The following SYT1 variants were observed in gnomAD, a reference collection of about 807,000 sequenced individuals.
SYT1 encodes synaptotagmin-1.
SYT1 carries 8 observed loss-of-function variants against 44.8 expected under a neutral mutation model. The ratio of observed to expected loss-of-function variants is 0.18; its 90% CI spans 0.10 to 0.32. The LOEUF (loss-of-function observed/expected upper bound fraction) is 0.32. Ranked by LOEUF, SYT1 falls within the 10% of genes least tolerant of loss-of-function variation. SYT1 has a pLI of 1.00. For missense variants in SYT1, 286 were observed against 509.3 expected (o/e 0.56, Z 4.22); for synonymous variants, 154 against 188.8 (o/e 0.82, Z 1.51).
intron 9 of SYT1, among the ~76,000 whole-genome samples, chr12:79,361,928 C>A (rs2136026225): frequency 6.6e-6 from 1 of 152,176 alleles, no homozygotes; most frequent in African/African-American, 2.4e-5. Flanking sequence ...GGGAGAGGGG[C>A]AGTATGATGT....
intron 1 of SYT1, among the ~76,000 whole-genome samples, chr12:78,957,614 C>A (rs749099001): frequency 1.3e-5 from 2 of 152,070 alleles, no homozygotes; most frequent in Admixed American, 6.6e-5. Flanking sequence ...GATCCTGTTT[C>A]TTTTTAAAGG....
chr12:78,931,036 C>G (rs1011463996), intron 1 of SYT1, among the ~76,000 whole-genome samples: 1 of 150,918 alleles, frequency 6.6e-6, no homozygotes. Context: ...GTGGCTCACG[C>G]GTGAAATCCC....
intron 4 of SYT1, among the ~76,000 whole-genome samples, chr12:79,242,919 G>A (rs556428627): frequency 6.6e-6 from 1 of 152,268 alleles, no homozygotes; most frequent in East Asian, 1.9e-4. Flanking sequence ...CCAAGACTGG[G>A]TAATTTATAA....
chr12:78,897,792 T>C (rs939508832), intron 1 of SYT1, among the ~76,000 whole-genome samples: 1 of 152,072 alleles, frequency 6.6e-6, no homozygotes, highest in Non-Finnish European at 1.5e-5. Flanking sequence ...TTTTGAAATA[T>C]TATGTTCATT....
intron 3 of SYT1, among the ~76,000 whole-genome samples, chr12:79,144,927 C>T (rs574589531): frequency 6.6e-6 from 1 of 152,280 alleles, no homozygotes; most frequent in African/African-American, 2.4e-5. Context: ...CCCTCAGTAA[C>T]GAAGAGTTTC....
intron 9 of SYT1, among the ~76,000 whole-genome samples, chr12:79,356,295 T>C (rs144875804): frequency 6.6e-6 from 1 of 152,006 alleles, no homozygotes; most frequent in African/African-American, 2.4e-5. Flanking sequence ...AACAAATCTT[T>C]GCCTTTTTTT....
chr12:79,352,118 A>C (rs759765586), intron 8 of SYT1, among the ~76,000 whole-genome samples: 32 of 151,686 alleles, frequency 2.1e-4, no homozygotes, highest in Admixed American at 8.5e-4. Context: ...TCACACATTG[A>C]ATGTATTACC....
At chr12:79,035,596 C>T (rs117982471) in intron 2 of SYT1, among the ~76,000 whole-genome samples, 89 of 151,734 alleles carry the variant, frequency 5.9e-4, no homozygotes, top group Non-Finnish European at 9.6e-4. Flanking sequence ...CTTCTGTAGT[C>T]CCCTTTGTTT....
chr12:79,102,253 C>T (rs1878484960), intron 3 of SYT1, among the ~76,000 whole-genome samples: 1 of 148,338 alleles, frequency 6.7e-6, no homozygotes, highest in Admixed American at 6.7e-5. Context: ...CCTCTCTTTC[C>T]TTCTCTCTCT....
chr12:79,033,801 C>A (rs1162396301), intron 2 of SYT1, among the ~76,000 whole-genome samples: 1 of 151,376 alleles, frequency 6.6e-6, no homozygotes, highest in Non-Finnish European at 1.5e-5. Context: ...TTTGGGTTAA[C>A]ATGGTCTTTT....
At chr12:79,347,041 CTTTTTTTTTTTTT>C (rs59524429) in intron 8 of SYT1, among the ~76,000 whole-genome samples, 1 of 125,946 alleles carries the variant, frequency 7.9e-6, no homozygotes, top group Non-Finnish European at 1.7e-5. Flanking sequence ...TTTGTTTTTT[CTTTTTTTTTTTTT>C]TTTTGAACAT....
At chr12:79,022,870 C>G (rs1285878931) in intron 2 of SYT1, among the ~76,000 whole-genome samples, 1 of 151,592 alleles carries the variant, frequency 6.6e-6, no homozygotes, top group Non-Finnish European at 1.5e-5. Flanking sequence ...AGCAAAACAA[C>G]CCAGGATCTA....
chr12:79,254,504 A>G (rs1877404409), intron 4 of SYT1, among the ~76,000 whole-genome samples: 1 of 152,228 alleles, frequency 6.6e-6, no homozygotes, highest in African/African-American at 2.4e-5. Context: ...TGTTGTTTTC[A>G]TGCTTGTTAA....
chr12:79,056,225 A>C (rs1033123249), intron 3 of SYT1, among the ~76,000 whole-genome samples: 5 of 152,072 alleles, frequency 3.3e-5, no homozygotes, highest in Non-Finnish European at 5.9e-5. Flanking sequence ...TCTAGATGGA[A>C]TAAAGAGGAA....
chr12:79,115,615 C>T (rs1180225017), intron 3 of SYT1, among the ~76,000 whole-genome samples: 1 of 152,170 alleles, frequency 6.6e-6, no homozygotes, highest in African/African-American at 2.4e-5. Context: ...CAGGAGGTAA[C>T]CTTGCCTCTG....
chr12:78,963,840 A>C (rs1879637918), intron 1 of SYT1, among the ~76,000 whole-genome samples: 2 of 152,186 alleles, frequency 1.3e-5, no homozygotes, highest in African/African-American at 4.8e-5. Flanking sequence ...AAAAGAATTA[A>C]ATCAGGATAC....
chr12:79,300,789 T>TTTTTTATATATATATATATA (rs1490670835), intron 8 of SYT1, among the ~76,000 whole-genome samples: 1 of 89,624 alleles, frequency 1.1e-5, no homozygotes, highest in African/African-American at 4.1e-5. Flanking sequence ...TGTATACTTA[T>TTTTTTATATATATATATATA]TATATATATA....
intron 1 of SYT1, among the ~76,000 whole-genome samples, chr12:78,881,396 A>T (rs951234930): frequency 6.6e-6 from 1 of 151,610 alleles, no homozygotes; most frequent in Non-Finnish European, 1.5e-5. Context: ...TTGTTTTAGG[A>T]TTATTGTTCA....
chr12:79,213,927 A>G (rs1008040023), intron 3 of SYT1, among the ~76,000 whole-genome samples: 6 of 152,224 alleles, frequency 3.9e-5, no homozygotes, highest in Admixed American at 3.9e-4. Context: ...GTCTCAAAAA[A>G]ATAAAAAACA....
Sources: allele counts gnomAD v4.1 joint callset (sites outside exome capture counted in the v4.1 genomes callset), GRCh38; gene constraint gnomAD v4.1.1; transcripts MANE v1.5; gene names NCBI Gene and HGNC (gene_info 2026-07-23, HGNC 2026-07-21).